Variants in PSMF1 observed in about 807,000 individuals in gnomAD.
The protein encoded by PSMF1 is proteasome inhibitor PI31 subunit.
PSMF1 carries 30 observed loss-of-function variants against 29.3 expected under a neutral mutation model. The observed-to-expected ratio is 1.02, with a 90% CI of 0.77 to 1.39. PSMF1 has a LOEUF of 1.39. PSMF1 is among the 40% of genes most tolerant of loss of function. PSMF1 has a pLI of 0.00. For synonymous variants in PSMF1, 134 were observed against 139.7 expected, an observed-to-expected ratio of 0.96 and a Z score of 0.29; for missense variants, 344 against 357.5, an observed-to-expected ratio of 0.96 and a Z score of 0.31.
chr20:1,136,321 T>TA (rs978326996), intron 4 of PSMF1, among the ~76,000 whole-genome samples: 1 of 152,208 alleles, frequency 6.6e-6, no homozygotes, highest in Admixed American at 6.5e-5. Flanking sequence ...TAGGTGTCCT[T>TA]ACTCCCTGCA....
At chr20:1,162,167 C>A (rs937605245) in intron 4 of PSMF1, among the ~76,000 whole-genome samples, 6 of 152,180 alleles carry the variant, frequency 3.9e-5, no homozygotes, top group African/African-American at 1.2e-4. Flanking sequence ...AGTTTCCTTT[C>A]TTAGCTGATG....
rs565161434 is a variant in PSMF1 at position 1,164,857 on chromosome 20, G to C, written c.765-172G>C. ...AAAGATTAGGTAACTTATACCAAGC[G>C]GGGGAGTCAGGATTCAAACCCCGGT... On this transcript the variant is annotated intron_variant, in intron 6 of 6. Coordinates refer to ENST00000335877, the MANE Select transcript of PSMF1 (RefSeq NM_006814.5). This position sits in a 1 kb window ranked among gnomAD's most constrained non-coding sequence, Gnocchi z 4.1. Among the ~76,000 whole-genome samples the C allele has an allele frequency of 6.6e-6, 1 of 152,088 alleles. No individual in the cohort carries two copies. Among genetic ancestry groups the C allele is most frequent in the Admixed American group, 6.6e-5 (1 of 15,266 alleles).
At chr20:1,142,317 C>T (rs576484101) in intron 4 of PSMF1, among the ~76,000 whole-genome samples, 18 of 152,206 alleles carry the variant, frequency 1.2e-4, no homozygotes, top group South Asian at 4.2e-4. Context: ...ACGTGCACAA[C>T]GTGCAGGTTA....
chr20:1,164,524 T>A lies in PSMF1; in HGVS notation c.764+48T>A, dbSNP rs374601104. On this transcript the variant is annotated intron_variant, in intron 6 of 6. Coordinates refer to ENST00000335877, the MANE Select transcript of PSMF1 (RefSeq NM_006814.5). This position sits in a 1 kb window ranked among gnomAD's most constrained non-coding sequence, Gnocchi z 4.1. ...TGAGAAGTAGGACCTGATGGCAGCT[T>A]GGTTCAGTGTGGCAGCAATGAAGGT... 3 of 1,601,828 alleles carry A rather than the reference T, an allele frequency of 1.9e-6. No homozygotes were observed. The highest frequency in any genetic ancestry group is 2.6e-6 in the Non-Finnish European group (3 of 1,170,540).
chr20:1,167,798 T>A lies in PSMF1; in HGVS notation c.*2718T>A, dbSNP rs575877106. ...CAGCCAAGAACATTTGTGTACCAGT[T>A]TTTGAGTTTTCAGTTGTTTGAGTTT... is the stretch of plus-strand genomic sequence containing the variant. On this transcript the variant is annotated 3_prime_UTR_variant, in exon 7 of 7. Transcript: ENST00000335877. The A allele has an allele frequency of 3.3e-5, 5 of 152,322 alleles. No individual in the cohort carries two copies. In the South Asian group the frequency reaches 1.0e-3, roughly 32 times the overall value. The allele number at this position is 152,322 out of a possible 1,614,324, so 9.4% of individuals were successfully genotyped here.
rs58779664 is a variant in PSMF1 at position 1,113,445 on chromosome 20, AACACAC to A, written c.-22+79_-22+84del. On this transcript the variant is annotated intron_variant, in intron 1 of 7. Coordinates refer to the PSMF1 transcript ENST00000333082. ...AGAAAGTGCTGGATGGATCAGGGGC[AACACAC>A]ACACACACACACACACACACACACA... 5.9e-3 allele frequency: 679 copies of A among 114,534 alleles called. 7 individuals carry two copies. The highest frequency in any genetic ancestry group is 0.019 in the African/African-American group (552 of 29,784). 7.1% of individuals were successfully genotyped at this position (114,534 alleles called of 1,614,324 possible). A position where few individuals can be genotyped will look rare whatever the true frequency, so the allele number is the denominator to read the frequency against.
intron 1 of PSMF1, among the ~76,000 whole-genome samples, chr20:1,119,103 G>A (rs899552400): frequency 6.6e-6 from 1 of 152,192 alleles, no homozygotes; most frequent in African/African-American, 2.4e-5. Flanking sequence ...CGGCACAGCT[G>A]GCACAACATG....
At chr20:1,155,018 T>G (rs1436835370) in intron 4 of PSMF1, among the ~76,000 whole-genome samples, 1 of 152,192 alleles carries the variant, frequency 6.6e-6, no homozygotes, top group Admixed American at 6.5e-5. Flanking sequence ...CCTTACAGAA[T>G]GCATAGAGTA....
Position 1,165,645 on chromosome 20 carries a change from C to A in PSMF1, c.*565C>A. ...TGCTCCTGACATCACTAAGATGGGT[C>A]CCCTTCTGGCTGCATGAATGGAAAT... On this transcript the variant is annotated 3_prime_UTR_variant, in exon 7 of 7. Coordinates refer to ENST00000335877, the MANE Select transcript of PSMF1 (RefSeq NM_006814.5). 1.0e-6 allele frequency: 1 copy of A among 996,492 alleles called. No homozygotes were observed. Among genetic ancestry groups the A allele is most frequent in the Non-Finnish European group, 1.2e-6 (1 of 836,112 alleles). The allele number at this position is 996,492 out of a possible 1,614,324, so 61.7% of individuals were successfully genotyped here.
Position 1,164,323 on chromosome 20 carries a change from G to A in PSMF1, c.611G>A (p.Arg204Gln), listed in dbSNP as rs148816301. The A allele has an allele frequency of 8.9e-5, 143 of 1,613,524 alleles. No individual in the cohort carries two copies. Among genetic ancestry groups the A allele is most frequent in the East Asian group, 6.0e-4 (27 of 44,872 alleles). ...AACTTTTCTTCTTGCCTCAGGCCTCGGAGAGGTGGCATGATTGTGGATCCC... is the reference window on the plus strand; with the variant it reads ...AACTTTTCTTCTTGCCTCAGGCCTCAGAGAGGTGGCATGATTGTGGATCCC... The part of the protein sequence containing the change: ...GGEDLDPFGP[R>Q]RGGMIVDPLR... The change falls in exon 6 of 7, where the codon CGG becomes CAG. Residue 204 changes from arginine (R) to glutamine (Q), a missense_variant. Coordinates refer to ENST00000335877, the MANE Select transcript of PSMF1 (RefSeq NM_006814.5). The surrounding 1 kb of genome is among the most constrained non-coding windows in gnomAD (Gnocchi z 4.1).
intron 1 of PSMF1, among the ~76,000 whole-genome samples, chr20:1,120,332 A>C (rs2086070734): frequency 6.6e-6 from 1 of 152,194 alleles, no homozygotes; most frequent in Non-Finnish European, 1.5e-5. Context: ...AGGATGGAAA[A>C]GAACAGCTAG....
At chr20:1,118,474 A>G (rs2086034512), upstream of PSMF1, 3 of 279,006 alleles carry the variant, frequency 1.1e-5, no homozygotes, top group South Asian at 9.6e-5. Flanking sequence ...GACTGCCGCC[A>G]AGACCCGGCT....
chr20:1,159,624 G>A (rs999240252), intron 4 of PSMF1, among the ~76,000 whole-genome samples: 1 of 152,046 alleles, frequency 6.6e-6, no homozygotes, highest in African/African-American at 2.4e-5. Flanking sequence ...CACTCTGGGC[G>A]GGGGGGCACT....
chr20:1,125,349 G>T, intron 1 of PSMF1, 149 bp from the exon 2 acceptor site: 1 of 801,988 alleles, frequency 1.2e-6, no homozygotes, highest in East Asian at 2.8e-5. Flanking sequence ...CCTCTCTCTC[G>T]CTGTAGGATC....
intron 4 of PSMF1, among the ~76,000 whole-genome samples, chr20:1,159,251 G>A (rs903866321): frequency 3.9e-5 from 6 of 151,910 alleles, no homozygotes; most frequent in Admixed American, 6.6e-5. Context: ...ATGTTGCCCA[G>A]GGTAGTCTCG....
chr20:1,147,395 A>G (rs2086467250), intron 4 of PSMF1, among the ~76,000 whole-genome samples: 1 of 152,064 alleles, frequency 6.6e-6, no homozygotes, highest in African/African-American at 2.4e-5. Flanking sequence ...ACTGGGATTT[A>G]CCCCGAAGTG....
At chr20:1,148,308 T>G (rs2086481970) in intron 4 of PSMF1, among the ~76,000 whole-genome samples, 1 of 152,226 alleles carries the variant, frequency 6.6e-6, no homozygotes, top group South Asian at 2.1e-4. Context: ...AACAACCATC[T>G]GTAAGGAAAA....
rs1568476253 is a variant in PSMF1, at chr20:1,147,166, AT to A, written c.551+11861del. Among the ~76,000 whole-genome samples the A allele has an allele frequency of 4.3e-3, 503 of 116,544 alleles. 5 individuals carry two copies. The highest frequency in any genetic ancestry group is 9.2e-3 in the Middle Eastern group (2 of 218). 76.5% of individuals were successfully genotyped at this position (116,544 alleles called of 152,430 possible). A position where few individuals can be genotyped will look rare whatever the true frequency, so the allele number is the denominator to read the frequency against. On this transcript the variant is annotated intron_variant, in intron 4 of 6. Transcript: ENST00000335877. ...CATCATCATCATCATCATCATCATC[AT>A]CATCATCATCACCACCCTGTGTTGA...
upstream of PSMF1, among the ~76,000 whole-genome samples, chr20:1,114,238 G>A (rs1180865124): frequency 6.6e-6 from 1 of 152,150 alleles, no homozygotes; most frequent in Non-Finnish European, 1.5e-5. Flanking sequence ...CAGAGTTCCC[G>A]GGTAGGAGTG....
Sources: allele counts gnomAD v4.1 joint callset (sites outside exome capture counted in the v4.1 genomes callset), GRCh38; gene constraint gnomAD v4.1.1; non-coding constraint Gnocchi (gnomAD v3.1); transcripts MANE v1.5; gene names NCBI Gene and HGNC (gene_info 2026-07-23, HGNC 2026-07-21).